Variants in GSG1L observed in about 807,000 individuals in gnomAD.
GSG1L encodes the protein germ cell-specific gene 1-like protein.
Under a neutral mutation model 42.1 loss-of-function variants are expected in GSG1L, and 24 were observed. The ratio of observed to expected loss-of-function variants is 0.57; its 90% CI spans 0.41 to 0.80. GSG1L has a LOEUF of 0.80. GSG1L is among the 30% of genes least tolerant of loss of function. The probability of loss-of-function intolerance (pLI) is 0.00; values close to 1 mark genes in which losing one functional copy is unlikely to be tolerated. For synonymous variants in GSG1L, 215 were observed against 203.5 expected, an observed-to-expected ratio of 1.06 and a Z score of -0.48; for missense variants, 445 against 472.2, an observed-to-expected ratio of 0.94 and a Z score of 0.53.
intron 2 of GSG1L, among the ~76,000 whole-genome samples, chr16:27,929,207 T>C (rs933048778): frequency 1.3e-5 from 2 of 152,180 alleles, no homozygotes; most frequent in Admixed American, 6.5e-5. Context: ...GACATCATAG[T>C]GTGTGGTGTG....
chr16:27,984,624 T>C (rs1167999478), intron 1 of GSG1L, among the ~76,000 whole-genome samples: 1 of 152,184 alleles, frequency 6.6e-6, no homozygotes, highest in Non-Finnish European at 1.5e-5. Flanking sequence ...TATAATTTTT[T>C]TTCTAGATAG....
chr16:27,827,081 A>G (rs568392838), intron 5 of GSG1L, among the ~76,000 whole-genome samples: 3 of 152,328 alleles, frequency 2.0e-5, no homozygotes, highest in Admixed American at 2.0e-4. Context: ...TCTGAGCCTC[A>G]GTTTTCCTCA....
intron 2 of GSG1L, among the ~76,000 whole-genome samples, chr16:27,948,434 C>T (rs1186753582): frequency 2.0e-5 from 3 of 152,028 alleles, no homozygotes; most frequent in African/African-American, 4.8e-5. Context: ...AGTGCAGTGG[C>T]GTGATACTGG....
intron 3 of GSG1L, among the ~76,000 whole-genome samples, chr16:27,865,948 A>G (rs1319232003): frequency 6.6e-6 from 1 of 151,838 alleles, no homozygotes; most frequent in Non-Finnish European, 1.5e-5. Flanking sequence ...TGATCCTCCC[A>G]CCTTGGCCTC....
chr16:27,834,406 A>G (rs1297359485), intron 4 of GSG1L, among the ~76,000 whole-genome samples: 2 of 151,772 alleles, frequency 1.3e-5, no homozygotes, highest in African/African-American at 4.8e-5. Context: ...GGTTCTTTGC[A>G]CTATCTTTGG....
rs1016837203 is a variant in GSG1L, at chr16:27,986,645, T to C, written c.350-23442A>G. Among the ~76,000 whole-genome samples the C allele has an allele frequency of 3.3e-5, 5 of 152,140 alleles. No homozygotes were observed. The South Asian group carries it at 8.3e-4, about 25-fold the overall frequency. On this transcript the variant is annotated intron_variant, in intron 1 of 6. Coordinates refer to ENST00000447459, the MANE Select transcript of GSG1L (RefSeq NM_001109763.2). ...ACTGGTGCGGGGTTACCCACCAGCATTGGGGAGAATGTCCTTGCAGTGAGG... is the reference window on the plus strand; with the variant it reads ...ACTGGTGCGGGGTTACCCACCAGCACTGGGGAGAATGTCCTTGCAGTGAGG...
At chr16:28,055,435 C>T (rs907431117) in intron 1 of GSG1L, among the ~76,000 whole-genome samples, 2 of 151,768 alleles carry the variant, frequency 1.3e-5, no homozygotes, top group African/African-American at 4.8e-5. Context: ...TTGTGCCGAG[C>T]TAGCATTGTT....
intron 1 of GSG1L, among the ~76,000 whole-genome samples, chr16:28,030,619 T>C (rs2085946266): frequency 6.6e-6 from 1 of 152,240 alleles, no homozygotes; most frequent in Non-Finnish European, 1.5e-5. Flanking sequence ...TTTGTCTTTT[T>C]GCTTGTGCTG....
Position 28,027,279 on chromosome 16 carries a change from A to T in GSG1L, c.349+35797T>A, listed in dbSNP as rs368603139. On this transcript the variant is annotated intron_variant, in intron 1 of 6. Transcript: ENST00000447459. Reference sequence around the variant, plus strand: ...CAGCCAATCAGAGTACTCCATTCACACGCTGCAGGCCATGGTGATTGGTTC... The same window carrying T: ...CAGCCAATCAGAGTACTCCATTCACTCGCTGCAGGCCATGGTGATTGGTTC... Among the ~76,000 whole-genome samples the T allele has an allele frequency of 7.2e-5, 11 of 152,240 alleles. No individual in the cohort carries two copies. In the South Asian group the frequency reaches 1.2e-3, roughly 17 times the overall value.
intron 2 of GSG1L, among the ~76,000 whole-genome samples, chr16:27,928,362 G>A (rs1289071311): frequency 6.6e-6 from 1 of 152,158 alleles, no homozygotes; most frequent in African/African-American, 2.4e-5. Context: ...CAGCTCCTCA[G>A]GACCCTGCAG....
chr16:27,804,089 A>G (rs1054391678), intron 6 of GSG1L, among the ~76,000 whole-genome samples: 5 of 152,046 alleles, frequency 3.3e-5, no homozygotes, highest in Admixed American at 2.0e-4. Context: ...ATAAAGAAAT[A>G]GGGAGGGACA....
chr16:28,032,772 C>T (rs971810709), intron 1 of GSG1L, among the ~76,000 whole-genome samples: 1 of 152,204 alleles, frequency 6.6e-6, no homozygotes, highest in African/African-American at 2.4e-5. Flanking sequence ...ACTCCACATC[C>T]AATTTGTCAG....
At chr16:27,918,923 T>C (rs1027742360) in intron 2 of GSG1L, among the ~76,000 whole-genome samples, 3 of 152,136 alleles carry the variant, frequency 2.0e-5, no homozygotes, top group African/African-American at 7.2e-5. Flanking sequence ...CCCGTTCCTT[T>C]ACCCAGGGCA....
At chr16:27,895,391 G>A (rs982974594) in intron 2 of GSG1L, among the ~76,000 whole-genome samples, 4 of 151,960 alleles carry the variant, frequency 2.6e-5, no homozygotes, top group East Asian at 3.9e-4. Flanking sequence ...AAGAGCATTC[G>A]AGTTTCCAGC....
At chr16:27,916,562 A>G (rs2084458251) in intron 2 of GSG1L, among the ~76,000 whole-genome samples, 1 of 149,586 alleles carries the variant, frequency 6.7e-6, no homozygotes, top group African/African-American at 2.5e-5. Flanking sequence ...GCCTCAAATA[A>G]TCCTCCCATC....
At chr16:27,826,251 G>A (rs1669213969) in intron 5 of GSG1L, among the ~76,000 whole-genome samples, 1 of 152,172 alleles carries the variant, frequency 6.6e-6, no homozygotes, top group African/African-American at 2.4e-5. Context: ...AGAGGGGCCT[G>A]TTACAGTCAG....
At chr16:27,801,352 T>C (rs2082879791) in intron 6 of GSG1L, among the ~76,000 whole-genome samples, 1 of 152,206 alleles carries the variant, frequency 6.6e-6, no homozygotes, top group African/African-American at 2.4e-5. Flanking sequence ...TCCCCGCTTC[T>C]CAGGGCTGGA....
chr16:28,015,335 T>G (rs2085768160), intron 1 of GSG1L, among the ~76,000 whole-genome samples: 1 of 152,156 alleles, frequency 6.6e-6, no homozygotes, highest in African/African-American at 2.4e-5. Context: ...AAGACCCCTG[T>G]CTACAAAAAA....
chr16:27,900,707 C>T (rs1382477850), intron 2 of GSG1L, among the ~76,000 whole-genome samples: 2 of 152,086 alleles, frequency 1.3e-5, no homozygotes, highest in Admixed American at 1.3e-4. Context: ...GACCCTTTGG[C>T]ATCTGGTGAA....
Sources: gnomAD v4.1 joint callset for allele counts (sites outside exome capture counted in the v4.1 genomes callset) on GRCh38, gnomAD v4.1.1 for gene constraint, MANE v1.5 for transcripts, NCBI Gene and HGNC (gene_info 2026-07-23, HGNC 2026-07-21) for gene names.